The following CNIH4 variants were observed in gnomAD, a reference collection of about 807,000 sequenced individuals.
CNIH4 encodes the protein cornichon family member 4.
A neutral mutation model predicts 21.5 loss-of-function variants in CNIH4; 9 were observed. The ratio of observed to expected loss-of-function variants is 0.42; its 90% confidence interval spans 0.25 to 0.73. CNIH4 has a LOEUF of 0.73. CNIH4 is among the 30% of genes least tolerant of loss of function. CNIH4 has a pLI of 0.27. For missense variants in CNIH4, 159 were observed against 170.0 expected (o/e 0.94, Z 0.36); for synonymous variants, 67 against 59.1 (o/e 1.13, Z -0.61).
At position 224,369,990 on chromosome 1, in the gene CNIH4, A is replaced by G. The variant is rs567139053; in HGVS notation, c.252-1293A>G. The stretch of plus-strand genomic sequence containing the variant: ...TGCCCAGCCTTACCCTGATGGGATT[A>G]GTACACATTGCATGCCTGTATCAAA... On this transcript the variant is annotated intron_variant, in intron 3 of 4. Coordinates refer to ENST00000465271, the MANE Select transcript of CNIH4 (RefSeq NM_014184.4). Among the ~76,000 whole-genome samples the G allele has an allele frequency of 3.7e-4, 57 of 152,250 alleles. 1 individual carries two copies. The highest frequency in any genetic ancestry group is 1.3e-3 in the African/African-American group (54 of 41,548).
At chr1:224,374,657 T>A (rs1289104159) in intron 4 of CNIH4, among the ~76,000 whole-genome samples, 1 of 152,130 alleles carries the variant, frequency 6.6e-6, no homozygotes, top group East Asian at 1.9e-4. Flanking sequence ...CCCAAAGTGC[T>A]GGGATTACAG....
At chr1:224,361,645 C>A (rs1672291738) in intron 2 of CNIH4, among the ~76,000 whole-genome samples, 1 of 151,612 alleles carries the variant, frequency 6.6e-6, no homozygotes, top group Admixed American at 6.6e-5. Context: ...TGCAGTGATG[C>A]GATCATGGCT....
intron 2 of CNIH4, chr1:224,363,979 G>C: frequency 1.2e-6 from 1 of 846,234 alleles, no homozygotes; most frequent in Non-Finnish European, 1.4e-6. Context: ...TCTAGTGCCA[G>C]TGTACTGAGA....
Position 224,379,164 on chromosome 1 carries a change from G to T in CNIH4, c.*3342G>T. ...AGCTCAGTTCATCAAAGCCTAGCAG[G>T]TCCCCTCAGCTGCCTTTTCATGCCT... is the stretch of plus-strand genomic sequence containing the variant. On this transcript the variant is annotated 3_prime_UTR_variant, in exon 5 of 5. Transcript: ENST00000465271. 1.3e-6 allele frequency: 2 copies of T among 1,491,840 alleles called. No homozygotes were observed. The highest frequency in any genetic ancestry group is 1.8e-6 in the Non-Finnish European group (2 of 1,093,720). The allele number at this position is 1,491,840 out of a possible 1,614,324, so 92.4% of individuals were successfully genotyped here.
In CNIH4 at chr1:224,371,363, T is replaced by TGAAA. The variant is rs780584986; in HGVS notation, c.336_339dup (p.Ala114ArgfsTer19). The TGAAA allele has an allele frequency of 6.2e-7, 1 of 1,614,170 alleles. No homozygotes were observed. The highest frequency in any genetic ancestry group is 8.5e-7 in the Non-Finnish European group (1 of 1,180,018). On this transcript the variant is annotated frameshift_variant, in exon 4 of 5. Coordinates refer to ENST00000465271, the MANE Select transcript of CNIH4 (RefSeq NM_014184.4). LOFTEE classifies it high-confidence loss of function. Reference sequence around the variant, plus strand: ...AATCGAGGGCAGCTGAAGTCACACATGAAAGAAGCCATGATCAAGCTTGGT... The same window carrying TGAAA: ...AATCGAGGGCAGCTGAAGTCACACATGAAAGAAAGAAGCCATGATCAAGCTTGGT...
At chr1:224,357,257 T>C in intron 1 of CNIH4, 1 of 375,256 alleles carries the variant, frequency 2.7e-6, no homozygotes, top group Non-Finnish European at 4.7e-6. Context: ...CGAGTGGGCC[T>C]CTCCGGGCGC....
chr1:224,371,016 C>G (rs1404029168), intron 3 of CNIH4, among the ~76,000 whole-genome samples: 1 of 151,622 alleles, frequency 6.6e-6, no homozygotes, highest in Non-Finnish European at 1.5e-5. Context: ...AGCTGGAATT[C>G]CAGTTGCCTG....
intron 2 of CNIH4, among the ~76,000 whole-genome samples, chr1:224,361,773 C>T (rs1672295386): frequency 6.6e-6 from 1 of 151,364 alleles, no homozygotes; most frequent in Admixed American, 6.6e-5. Context: ...TTTGTAGAGA[C>T]AGGGTTTCAC....
At chr1:224,374,457 C>A (rs544465278) in intron 4 of CNIH4, among the ~76,000 whole-genome samples, 1 of 148,772 alleles carries the variant, frequency 6.7e-6, no homozygotes, top group East Asian at 2.0e-4. Context: ...CTCTGTCCCC[C>A]AGGCTGGAGT....
chr1:224,376,745 T>TTCA lies in CNIH4; in HGVS notation c.*925_*927dup. ...AACTGGGAGACCAAATGCAAGCCAT[T>TTCA]TCATGGACATAGCAATATACAACCA... On this transcript the variant is annotated 3_prime_UTR_variant, in exon 5 of 5. Coordinates refer to ENST00000465271, the MANE Select transcript of CNIH4 (RefSeq NM_014184.4). 1.0e-6 allele frequency: 1 copy of TTCA among 985,382 alleles called. No homozygotes were observed. Among genetic ancestry groups the TTCA allele is most frequent in the Non-Finnish European group, 1.2e-6 (1 of 829,948 alleles). The allele number at this position is 985,382 out of a possible 1,614,324, so 61.0% of individuals were successfully genotyped here.
chr1:224,369,537 C>T (rs901555338), intron 3 of CNIH4, among the ~76,000 whole-genome samples: 1 of 152,224 alleles, frequency 6.6e-6, no homozygotes, highest in East Asian at 1.9e-4. Context: ...GATCTTGCCA[C>T]TACACTCCAG....
intron 3 of CNIH4, among the ~76,000 whole-genome samples, chr1:224,370,188 G>T (rs1339637034): frequency 1.3e-5 from 2 of 152,144 alleles, no homozygotes; most frequent in Non-Finnish European, 2.9e-5. Context: ...AGAAGTCCCA[G>T]TTGGGTAAGA....
At chr1:224,369,575 A>G (rs1672563727) in intron 3 of CNIH4, among the ~76,000 whole-genome samples, 1 of 152,116 alleles carries the variant, frequency 6.6e-6, no homozygotes, top group Non-Finnish European at 1.5e-5. Flanking sequence ...GATTACGTCT[A>G]AAAATAATAA....
chr1:224,379,214 C>T lies in CNIH4; in HGVS notation c.*3392C>T. Reference sequence around the variant, plus strand: ...TGCCACAGACTACAGTAGGACAAAACCTGACCTGGTCTTTGAAGTTAAGAG... The same window carrying T: ...TGCCACAGACTACAGTAGGACAAAATCTGACCTGGTCTTTGAAGTTAAGAG... On this transcript the variant is annotated 3_prime_UTR_variant, in exon 5 of 5. Coordinates refer to ENST00000465271, the MANE Select transcript of CNIH4 (RefSeq NM_014184.4). 1 of 972,910 alleles carries T rather than the reference C, an allele frequency of 1.0e-6. No homozygotes were observed. Among genetic ancestry groups the T allele is most frequent in the Non-Finnish European group, 1.6e-6 (1 of 627,656 alleles). The allele number at this position is 972,910 out of a possible 1,614,324, so 60.3% of individuals were successfully genotyped here.
chr1:224,371,229 C>G, intron 3 of CNIH4, 54 bp from the exon 4 acceptor site: 1 of 1,554,380 alleles, frequency 6.4e-7, no homozygotes, highest in South Asian at 1.2e-5. Flanking sequence ...TATTTGAATA[C>G]TTATGCCTAT....
chr1:224,366,358 TC>T, intron 3 of CNIH4, among the ~76,000 whole-genome samples: 1 of 151,172 alleles, frequency 6.6e-6, no homozygotes, highest in South Asian at 2.1e-4. Context: ...GAGCTTTTTT[TC>T]TTTTTTTTTG....
At position 224,378,590 on chromosome 1, in the gene CNIH4, T is replaced by A. The variant is rs1421497402; in HGVS notation, c.*2768T>A. 1 of 122,872 alleles carries A rather than the reference T, an allele frequency of 8.1e-6. No individual in the cohort carries two copies. The highest frequency in any genetic ancestry group is 1.7e-5 in the Non-Finnish European group (1 of 58,692). 7.6% of individuals were successfully genotyped at this position (122,872 alleles called of 1,614,324 possible). On this transcript the variant is annotated 3_prime_UTR_variant, in exon 5 of 5. Coordinates refer to ENST00000465271, the MANE Select transcript of CNIH4 (RefSeq NM_014184.4). ...GCTGAGGCCTAGAGATCGTTCAGGG[T>A]GTTGTAACTGGGAACATCTGAATGC...
intron 2 of CNIH4, among the ~76,000 whole-genome samples, chr1:224,365,459 G>C (rs1470572441): frequency 1.3e-5 from 2 of 152,156 alleles, no homozygotes; most frequent in East Asian, 3.8e-4. Context: ...GTTTCCTCGG[G>C]ATTCTGGAGA....
intron 2 of CNIH4, among the ~76,000 whole-genome samples, chr1:224,364,919 G>GAA (rs879373464): frequency 7.6e-6 from 1 of 130,978 alleles, no homozygotes. Flanking sequence ...GCGACAGAGC[G>GAA]AAAAAAAAAA....
Sources: gnomAD v4.1 joint callset for allele counts (sites outside exome capture counted in the v4.1 genomes callset) on GRCh38, gnomAD v4.1.1 for gene constraint, MANE v1.5 for transcripts, NCBI Gene and HGNC (gene_info 2026-07-23, HGNC 2026-07-21) for gene names.